PTPRD: variants seen among roughly 807,000 people sequenced by gnomAD.
PTPRD encodes receptor-type tyrosine-protein phosphatase delta.
Under a neutral mutation model 214.5 loss-of-function variants are expected in PTPRD, and 34 were observed. The ratio of observed to expected loss-of-function variants is 0.16; its 90% CI spans 0.12 to 0.21. PTPRD has a LOEUF of 0.21. Among genes scored for constraint, PTPRD ranks in the 10% least tolerant of loss-of-function variants. The probability of loss-of-function intolerance (pLI) is 1.00; values close to 1 mark genes in which losing one functional copy is unlikely to be tolerated. For missense variants in PTPRD, 2,545 were observed against 2,398.7 expected (o/e 1.06, Z -1.27); for synonymous variants, 1,128 against 845.7 (o/e 1.33, Z -5.79).
chr9:9,359,525 C>A (rs1469584617), intron 9 of PTPRD, among the ~76,000 whole-genome samples: 1 of 151,154 alleles, frequency 6.6e-6, no homozygotes, highest in Admixed American at 6.6e-5. Flanking sequence ...ACCTAAAGAA[C>A]AATTCTGCAG....
chr9:8,541,038 C>T (rs1270659443), intron 14 of PTPRD, among the ~76,000 whole-genome samples: 1 of 152,048 alleles, frequency 6.6e-6, no homozygotes. Context: ...TCAAACATCA[C>T]ATATAAAATG....
intron 3 of PTPRD, among the ~76,000 whole-genome samples, chr9:10,162,134 G>A (rs1324119206): frequency 1.3e-5 from 2 of 151,508 alleles, no homozygotes; most frequent in African/African-American, 4.8e-5. Context: ...ACTGTATGAA[G>A]GTTCCTCAAT....
chr9:9,791,964 T>C (rs138884765), intron 5 of PTPRD, among the ~76,000 whole-genome samples: 5 of 152,250 alleles, frequency 3.3e-5, no homozygotes, highest in Middle Eastern at 3.4e-3. Context: ...ATTTGAATAA[T>C]TAGAGCACTG....
chr9:9,397,111 T>C (rs1373558170), intron 9 of PTPRD, among the ~76,000 whole-genome samples: 1 of 152,046 alleles, frequency 6.6e-6, no homozygotes, highest in East Asian at 1.9e-4. Flanking sequence ...CTGGGTATTC[T>C]GCTATCAATC....
intron 4 of PTPRD, among the ~76,000 whole-genome samples, chr9:10,016,393 A>ATAGG (rs145613848): frequency 0.1 from 15,215 of 149,904 alleles, 905 homozygotes; most frequent in Middle Eastern, 0.13. Context: ...AGATAGATAG[A>ATAGG]TAGACAGATA....
chr9:8,978,254 T>G (rs769194791), intron 11 of PTPRD, among the ~76,000 whole-genome samples: 1 of 152,132 alleles, frequency 6.6e-6, no homozygotes, highest in Non-Finnish European at 1.5e-5. Context: ...AGGCCTCAGC[T>G]GATGCATGGA....
At chr9:9,847,777 A>G (rs1026792476) in intron 5 of PTPRD, among the ~76,000 whole-genome samples, 3 of 152,104 alleles carry the variant, frequency 2.0e-5, no homozygotes, top group African/African-American at 7.2e-5. Flanking sequence ...TCGGAGCATT[A>G]AAAGAGGAGC....
intron 2 of PTPRD, among the ~76,000 whole-genome samples, chr9:10,456,743 T>C (rs2098920657): frequency 6.6e-6 from 1 of 151,916 alleles, no homozygotes; most frequent in Non-Finnish European, 1.5e-5. Flanking sequence ...TGGAAACACA[T>C]TTGTAGTCTA....
chr9:10,148,253 GT>G (rs1287148079), intron 3 of PTPRD, among the ~76,000 whole-genome samples: 6 of 152,136 alleles, frequency 3.9e-5, no homozygotes, highest in Admixed American at 3.9e-4. Context: ...GATTGTGTAT[GT>G]CTATTCTTAA....
chr9:9,635,337 T>C (rs1490535869), intron 7 of PTPRD, among the ~76,000 whole-genome samples: 1 of 152,172 alleles, frequency 6.6e-6, no homozygotes, highest in Non-Finnish European at 1.5e-5. Context: ...ATCCCGTATG[T>C]CCAACTTAGA....
chr9:8,801,492 G>C lies in PTPRD; in HGVS notation c.-103-67546C>G, dbSNP rs145915330. 4.5e-3 allele frequency among the ~76,000 whole-genome samples: 681 copies of C among 152,228 alleles called. 4 individuals carry two copies. Among genetic ancestry groups the C allele is most frequent in the African/African-American group, 0.015 (606 of 41,544 alleles). ...AGCAATCTGGGAGGCTGAGGCGGGC[G>C]GACCACCTGAGGTTGGGAGTTTGAG... On this transcript the variant is annotated intron_variant, in intron 11 of 45. Transcript: ENST00000381196.
At position 10,477,798 on chromosome 9, in the gene PTPRD, C is replaced by T. The variant is rs543361956; in HGVS notation, c.-600+134600G>A. On this transcript the variant is annotated intron_variant, in intron 2 of 45. Coordinates refer to ENST00000381196, the MANE Select transcript of PTPRD (RefSeq NM_002839.4). ...ATATATACCATGGAATACTATGCAG[C>T]CATAAAAAAGGATGAGTTCATGTCC... Among the ~76,000 whole-genome samples the T allele has an allele frequency of 5.3e-5, 8 of 151,940 alleles. No homozygotes were observed. The South Asian group carries it at 8.3e-4, about 16-fold the overall frequency.
In PTPRD at chr9:8,358,570, T is replaced by C. The variant is rs182200409; in HGVS notation, c.4662-16592A>G. On this transcript the variant is annotated intron_variant, in intron 39 of 45. Coordinates refer to ENST00000381196, the MANE Select transcript of PTPRD (RefSeq NM_002839.4). ...TCTCACCTGTAAAATGTAAACCTAT[T>C]TCCTAAGTTTTCTATGATACTGTCA... is the stretch of plus-strand genomic sequence containing the variant. 1.2e-4 allele frequency among the ~76,000 whole-genome samples: 18 copies of C among 152,250 alleles called. 1 individual carries two copies. Among genetic ancestry groups the C allele is most frequent in the Admixed American group, 3.9e-4 (6 of 15,292 alleles).
In PTPRD at chr9:10,408,736, C is replaced by G. The variant is rs374705224; in HGVS notation, c.-599-67719G>C. Among the ~76,000 whole-genome samples the G allele has an allele frequency of 1.5e-3, 230 of 151,822 alleles. 1 individual carries two copies. Among genetic ancestry groups the G allele is most frequent in the African/African-American group, 5.3e-3 (219 of 41,498 alleles). ...GTAACAACTTGGGTTTAATCCTTGACTCCCTCACTTGGGCAGTGTGTTTAG... is the reference window on the plus strand; with the variant it reads ...GTAACAACTTGGGTTTAATCCTTGAGTCCCTCACTTGGGCAGTGTGTTTAG... On this transcript the variant is annotated intron_variant, in intron 2 of 45. Transcript: ENST00000381196.
At chr9:9,963,201 T>C (rs944456536) in intron 4 of PTPRD, among the ~76,000 whole-genome samples, 5 of 152,048 alleles carry the variant, frequency 3.3e-5, no homozygotes, top group Middle Eastern at 3.2e-3. Flanking sequence ...ATTTAAAAAA[T>C]CCTTGTCAAA....
chr9:10,529,009 T>A (rs1324740075), intron 2 of PTPRD, among the ~76,000 whole-genome samples: 5 of 152,104 alleles, frequency 3.3e-5, no homozygotes, highest in African/African-American at 1.2e-4. Flanking sequence ...ATGGCTTAGG[T>A]TTAGTGAAGC....
At chr9:8,849,106 G>A (rs893203131) in intron 11 of PTPRD, among the ~76,000 whole-genome samples, 3 of 151,308 alleles carry the variant, frequency 2.0e-5, no homozygotes, top group Non-Finnish European at 2.9e-5. Flanking sequence ...AGCATTGTGA[G>A]AGGTTTCTAA....
chr9:10,056,917 C>T (rs2097662404), intron 3 of PTPRD, among the ~76,000 whole-genome samples: 1 of 152,064 alleles, frequency 6.6e-6, no homozygotes, highest in Non-Finnish European at 1.5e-5. Context: ...AAAATTCTGC[C>T]TACATATTCA....
At chr9:8,752,999 C>T (rs1053890280) in intron 11 of PTPRD, among the ~76,000 whole-genome samples, 1 of 152,206 alleles carries the variant, frequency 6.6e-6, no homozygotes, top group African/African-American at 2.4e-5. Flanking sequence ...TTCTTCAGTA[C>T]ATTTACCCTA....
Sources: gnomAD v4.1 joint callset for allele counts (sites outside exome capture counted in the v4.1 genomes callset) on GRCh38, gnomAD v4.1.1 for gene constraint, MANE v1.5 for transcripts, NCBI Gene and HGNC (gene_info 2026-07-23, HGNC 2026-07-21) for gene names.